Variants in ANKRD6 observed in about 807,000 individuals in gnomAD.
The protein encoded by ANKRD6 is ankyrin repeat domain-containing protein 6.
A neutral mutation model predicts 82.3 loss-of-function variants in ANKRD6; 56 were observed. That is an observed-to-expected ratio of 0.68 (90% CI 0.55 to 0.85). The LOEUF (loss-of-function observed/expected upper bound fraction) is 0.85. Among genes scored for constraint, ANKRD6 ranks in the 40% least tolerant of loss-of-function variants. The pLI, the probability that ANKRD6 is intolerant of heterozygous loss-of-function variation, is 0.00. For synonymous variants in ANKRD6, 347 were observed against 352.1 expected (o/e 0.99, Z 0.16); for missense variants, 852 against 907.6 (o/e 0.94, Z 0.79).
chr6:89,582,493 G>A (rs58065389), intron 2 of ANKRD6, among the ~76,000 whole-genome samples: 5,529 of 152,122 alleles, frequency 0.036, 343 homozygotes, highest in African/African-American at 0.13. Context: ...GCCCAGCCCC[G>A]TCTTAATTAT....
chr6:89,623,001 T>A, intron 10 of ANKRD6, among the ~76,000 whole-genome samples: 1 of 9,296 alleles, frequency 1.1e-4, no homozygotes, highest in Non-Finnish European at 2.1e-4. Context: ...GTGTTGTGGG[T>A]TGGGGTGGGG....
Position 89,543,116 on chromosome 6 carries a change from G to A in ANKRD6, c.-143-23718G>A, listed in dbSNP as rs546810788. On this transcript the variant is annotated intron_variant, in intron 1 of 15. Transcript: ENST00000339746. ...TAGGTTGCCAAATGTGGAAATGCAA[G>A]GAATGTCAGACGTGGCGAAAGCAAA... Among the ~76,000 whole-genome samples, 15 of 152,324 alleles carry A rather than the reference G, an allele frequency of 9.8e-5. No homozygotes were observed. In the South Asian group the frequency reaches 3.1e-3, roughly 32 times the overall value.
chr6:89,474,970 T>C (rs1035287256), intron 1 of ANKRD6, among the ~76,000 whole-genome samples: 1 of 152,238 alleles, frequency 6.6e-6, no homozygotes, highest in Non-Finnish European at 1.5e-5. Flanking sequence ...TTTGAAATTA[T>C]TTGTGTTTTT....
chr6:89,584,874 C>T (rs1793368144), intron 2 of ANKRD6, among the ~76,000 whole-genome samples: 1 of 152,106 alleles, frequency 6.6e-6, no homozygotes, highest in Non-Finnish European at 1.5e-5. Flanking sequence ...GTGCTCTCTT[C>T]CTAGTTTGTA....
intron 2 of ANKRD6, among the ~76,000 whole-genome samples, chr6:89,568,934 T>TAA: frequency 1.5e-5 from 1 of 65,554 alleles, no homozygotes; most frequent in Non-Finnish European, 3.5e-5. Flanking sequence ...TATATATAAT[T>TAA]TTTTTTTTTT....
At chr6:89,442,974 G>A (rs1372792232) in intron 1 of ANKRD6, among the ~76,000 whole-genome samples, 3 of 152,146 alleles carry the variant, frequency 2.0e-5, no homozygotes, top group Non-Finnish European at 4.4e-5. Context: ...CTTTGCAGAA[G>A]CAATTTTCCC....
intron 1 of ANKRD6, among the ~76,000 whole-genome samples, chr6:89,507,629 T>G (rs1176347689): frequency 6.6e-6 from 1 of 152,168 alleles, no homozygotes; most frequent in Non-Finnish European, 1.5e-5. Context: ...ATAGGTTACC[T>G]TTGATATTAT....
At chr6:89,448,649 A>T (rs948305820) in intron 1 of ANKRD6, among the ~76,000 whole-genome samples, 1 of 152,152 alleles carries the variant, frequency 6.6e-6, no homozygotes, top group Non-Finnish European at 1.5e-5. Context: ...GGCATTGTAC[A>T]AGGAGATTAA....
intron 1 of ANKRD6, among the ~76,000 whole-genome samples, chr6:89,452,401 G>GA (rs1491099399): frequency 6.6e-6 from 1 of 152,172 alleles, no homozygotes; most frequent in Non-Finnish European, 1.5e-5. Context: ...ATATTTAAGT[G>GA]AGGGGGGAAA....
At chr6:89,581,980 A>C (rs1164349821) in intron 2 of ANKRD6, among the ~76,000 whole-genome samples, 1 of 152,216 alleles carries the variant, frequency 6.6e-6, no homozygotes, top group African/African-American at 2.4e-5. Flanking sequence ...TGTGTTCTAC[A>C]ATAGCTAGAA....
intron 1 of ANKRD6, among the ~76,000 whole-genome samples, chr6:89,496,176 G>C (rs1051115024): frequency 1.4e-5 from 2 of 138,038 alleles, no homozygotes; most frequent in South Asian, 4.7e-4. Context: ...TTTCCACACT[G>C]CCCCCCCCCC....
chr6:89,448,443 A>AT (rs1467755215), intron 1 of ANKRD6, among the ~76,000 whole-genome samples: 3 of 151,470 alleles, frequency 2.0e-5, no homozygotes, highest in Admixed American at 1.3e-4. Flanking sequence ...AAAGAAAAAA[A>AT]AAAAAAGAAT....
At chr6:89,515,611 C>A (rs1781108130) in intron 1 of ANKRD6, among the ~76,000 whole-genome samples, 1 of 152,154 alleles carries the variant, frequency 6.6e-6, no homozygotes, top group African/African-American at 2.4e-5. Flanking sequence ...TTATGTGGCC[C>A]CCCAAAATGT....
At chr6:89,554,086 A>C (rs1786234037) in intron 1 of ANKRD6, among the ~76,000 whole-genome samples, 2 of 152,194 alleles carry the variant, frequency 1.3e-5, no homozygotes, top group Admixed American at 1.3e-4. Flanking sequence ...ATTGGTGAAG[A>C]GTTATTGAGC....
intron 6 of ANKRD6, among the ~76,000 whole-genome samples, chr6:89,613,482 A>ACAGGTAAGCAG (rs1800749579): frequency 6.6e-6 from 1 of 152,150 alleles, no homozygotes; most frequent in Non-Finnish European, 1.5e-5. Context: ...CTCCTCAAGC[A>ACAGGTAAGCAG]CAGGTAAGCA....
At chr6:89,628,663 G>A (rs1806521706) in intron 14 of ANKRD6, 3 of 195,742 alleles carry the variant, frequency 1.5e-5, no homozygotes, top group Admixed American at 1.1e-4. Flanking sequence ...CCAGCTACTC[G>A]GGAGGCTGAG....
chr6:89,631,858 A>C lies in ANKRD6; in HGVS notation c.*854A>C, dbSNP rs1288690628. 1 of 152,202 alleles carries C rather than the reference A, an allele frequency of 6.6e-6. No homozygotes were observed. Among genetic ancestry groups the C allele is most frequent in the Non-Finnish European group, 1.5e-5 (1 of 68,040 alleles). The allele number at this position is 152,202 out of a possible 1,614,324, so 9.4% of individuals were successfully genotyped here. A position where few individuals can be genotyped will look rare whatever the true frequency, so the allele number is the denominator to read the frequency against. On this transcript the variant is annotated 3_prime_UTR_variant, in exon 16 of 16. Coordinates refer to ENST00000339746, the MANE Select transcript of ANKRD6 (RefSeq NM_001242809.2). ...TCTGAATTTGAGATTTTTGCTCTACATTTTATAATGAATAAGGCTATTTTT... is the reference window on the plus strand; with the variant it reads ...TCTGAATTTGAGATTTTTGCTCTACCTTTTATAATGAATAAGGCTATTTTT...
chr6:89,616,493 A>T, intron 7 of ANKRD6, 66 bp from the exon 8 acceptor site: 2 of 1,467,000 alleles, frequency 1.4e-6, no homozygotes, highest in Non-Finnish European at 1.9e-6. Flanking sequence ...TAGGCCAGGT[A>T]ATGAAAAGCT....
At chr6:89,461,403 A>T (rs1281111357) in intron 1 of ANKRD6, among the ~76,000 whole-genome samples, 1 of 152,096 alleles carries the variant, frequency 6.6e-6, no homozygotes, top group Non-Finnish European at 1.5e-5. Flanking sequence ...GAGAGATGAG[A>T]TTTCTTATGT....
Sources: gnomAD v4.1 joint callset for allele counts (sites outside exome capture counted in the v4.1 genomes callset) on GRCh38, gnomAD v4.1.1 for gene constraint, MANE v1.5 for transcripts, NCBI Gene and HGNC (gene_info 2026-07-23, HGNC 2026-07-21) for gene names.